The following CMIP variants were observed in gnomAD, a reference collection of about 807,000 sequenced individuals.
CMIP encodes c-Maf inducing protein, also known as C-Maf-inducing protein.
Under a neutral mutation model 97.3 loss-of-function variants are expected in CMIP, and 13 were observed. The ratio of observed to expected loss-of-function variants is 0.13; its 90% CI spans 0.09 to 0.21. The LOEUF (loss-of-function observed/expected upper bound fraction) is 0.21. Among genes scored for constraint, CMIP ranks in the 10% least tolerant of loss-of-function variants. The pLI is 1.00. For missense variants in CMIP, 847 were observed against 1,024.9 expected (o/e 0.83, Z 2.37); for synonymous variants, 538 against 436.3 (o/e 1.23, Z -2.91).
At chr16:81,671,902 C>A in intron 8 of CMIP, 64 bp from the exon 9 acceptor site, 3 of 838,580 alleles carry the variant, frequency 3.6e-6, no homozygotes, top group Admixed American at 2.1e-5. Context: ...CCCTTTCCCC[C>A]CTTACCCTGT....
At chr16:81,557,121 G>A (rs1475594046) in intron 1 of CMIP, among the ~76,000 whole-genome samples, 1 of 152,246 alleles carries the variant, frequency 6.6e-6, no homozygotes, top group African/African-American at 2.4e-5. Flanking sequence ...AGCTGGGTGA[G>A]AGGGCTACCA....
At chr16:81,661,386 C>T (rs1451010915) in intron 6 of CMIP, among the ~76,000 whole-genome samples, 2 of 152,282 alleles carry the variant, frequency 1.3e-5, no homozygotes, top group Non-Finnish European at 2.9e-5. Context: ...CGCTGCCGGG[C>T]ACCCGGCGCC....
intron 1 of CMIP, among the ~76,000 whole-genome samples, chr16:81,526,499 T>C (rs573600606): frequency 3.9e-4 from 59 of 152,354 alleles, no homozygotes; most frequent in Non-Finnish European, 7.3e-4. Context: ...ACAGTAGTTA[T>C]CAGGCCCACA....
chr16:81,709,729 C>G lies in CMIP; in HGVS notation c.2269-17C>G, dbSNP rs1417739996. Reference sequence around the variant, plus strand: ...GAATGGCCTACACGTGACAAGGACTCTTATTGCCACCCCCAGGCCAAGCTT... The same window carrying G: ...GAATGGCCTACACGTGACAAGGACTGTTATTGCCACCCCCAGGCCAAGCTT... On this transcript the variant is annotated splice_polypyrimidine_tract_variant and intron_variant, in intron 20 of 20. Transcript: ENST00000537098. 6.2e-7 allele frequency: 1 copy of G among 1,613,786 alleles called. No individual in the cohort carries two copies. Among genetic ancestry groups the G allele is most frequent in the East Asian group, 2.2e-5 (1 of 44,882 alleles).
rs758040541 is a variant in CMIP at position 81,560,223 on chromosome 16, GTTTTTTTTT to G, written c.301-47339_301-47331del. On this transcript the variant is annotated intron_variant, in intron 1 of 20. Transcript: ENST00000537098. The stretch of plus-strand genomic sequence containing the variant: ...TTTTGTTTTGTTTTTGTTTTGTTTT[GTTTTTTTTT>G]TTTTGAGACAGAGTCTCGCTCCGTC... Among the ~76,000 whole-genome samples the G allele has an allele frequency of 5.3e-3, 577 of 108,494 alleles. 4 individuals are homozygous for G. The highest frequency in any genetic ancestry group is 0.045 in the South Asian group (143 of 3,174). 71.2% of individuals were successfully genotyped at this position (108,494 alleles called of 152,430 possible).
chr16:81,510,406 T>C (rs1375207065), intron 1 of CMIP, among the ~76,000 whole-genome samples: 3 of 152,248 alleles, frequency 2.0e-5, no homozygotes, highest in South Asian at 4.1e-4. Flanking sequence ...AACATTATTA[T>C]GTGCTCTCAG....
chr16:81,584,310 T>C (rs2091344901), intron 1 of CMIP, among the ~76,000 whole-genome samples: 1 of 152,228 alleles, frequency 6.6e-6, no homozygotes, highest in Non-Finnish European at 1.5e-5. Flanking sequence ...ACCTAGAACA[T>C]GCTGGAAGTA....
intron 3 of CMIP, among the ~76,000 whole-genome samples, chr16:81,648,022 C>T (rs1359773560): frequency 7.3e-6 from 1 of 136,208 alleles, no homozygotes; most frequent in African/African-American, 2.8e-5. Context: ...CCCGCACCCG[C>T]AGAGCCGTAG....
At position 81,711,026 on chromosome 16, in the gene CMIP, C is replaced by T. The variant is rs1292948756; in HGVS notation, c.*1227C>T. 1.4e-5 allele frequency: 2 copies of T among 147,616 alleles called. No individual in the cohort carries two copies. Among genetic ancestry groups the T allele is most frequent in the Non-Finnish European group, 3.0e-5 (2 of 66,678 alleles). 9.1% of individuals were successfully genotyped at this position (147,616 alleles called of 1,614,324 possible). A position where few individuals can be genotyped will look rare whatever the true frequency, so the allele number is the denominator to read the frequency against. On this transcript the variant is annotated 3_prime_UTR_variant, in exon 21 of 21. Coordinates refer to ENST00000537098, the MANE Select transcript of CMIP (RefSeq NM_198390.3). ...CCGACTGCCCTCCCCACCCCACCCC[C>T]GCCACCCCCCACATGTGACCACTGC...
Position 81,701,798 on chromosome 16 carries a change from C to T in CMIP, c.1894C>T (p.Leu632=), listed in dbSNP as rs746577624. 6.2e-7 allele frequency: 1 copy of T among 1,613,334 alleles called. No individual in the cohort carries two copies. The highest frequency in any genetic ancestry group is 1.3e-5 in the African/African-American group (1 of 74,928). Residue 632 remains leucine (L), a splice_region_variant and synonymous_variant, in exon 16 of 21, where the codon CTG becomes TTG. Transcript: ENST00000537098. ...LCDRQRELKE[L]QRKGGPTRLT... The stretch of plus-strand genomic sequence containing the variant: ...TGACCGGCAGCGGGAGCTGAAGGAG[C>T]TGGTGAGTCCCCGGCTGCTCCGGAC...
At chr16:81,557,582 G>C (rs2090790154) in intron 1 of CMIP, among the ~76,000 whole-genome samples, 1 of 152,144 alleles carries the variant, frequency 6.6e-6, no homozygotes, top group African/African-American at 2.4e-5. Context: ...GGGAGGACTA[G>C]GCAGCACAGT....
chr16:81,705,219 G>A (rs964643629), intron 18 of CMIP, among the ~76,000 whole-genome samples: 5 of 152,242 alleles, frequency 3.3e-5, no homozygotes, highest in African/African-American at 1.2e-4. Context: ...CGAAGCTAGG[G>A]AGAGACAAGT....
chr16:81,704,637 C>G (rs1401890018), intron 18 of CMIP, among the ~76,000 whole-genome samples: 2 of 34,610 alleles, frequency 5.8e-5, no homozygotes, highest in East Asian at 1.2e-3. Context: ...TCCCTGTCCC[C>G]TCACCCTCCT....
At chr16:81,693,331 TGCCCA>T (rs1215950220) in intron 12 of CMIP, 103 bp from the exon 13 acceptor site, 1 of 1,481,082 alleles carries the variant, frequency 6.8e-7, no homozygotes, top group East Asian at 2.4e-5. Context: ...TCCACCGCCT[TGCCCA>T]GCTCCCTGGC....
intron 1 of CMIP, among the ~76,000 whole-genome samples, chr16:81,589,167 G>A (rs2091428793): frequency 6.6e-6 from 1 of 151,938 alleles, no homozygotes; most frequent in African/African-American, 2.4e-5. Flanking sequence ...CGTGATCTCG[G>A]CTCACTGCAA....
At chr16:81,590,360 A>T (rs2091448322) in intron 1 of CMIP, among the ~76,000 whole-genome samples, 1 of 152,112 alleles carries the variant, frequency 6.6e-6, no homozygotes, top group South Asian at 2.1e-4. Flanking sequence ...AGGGTGTCCA[A>T]AGGAGGCTTC....
intron 6 of CMIP, among the ~76,000 whole-genome samples, chr16:81,662,575 G>A (rs1161126058): frequency 2.0e-5 from 3 of 152,154 alleles, no homozygotes; most frequent in East Asian, 1.9e-4. Context: ...AAAGCCTCCC[G>A]CGCTGCGTCC....
At chr16:81,574,409 G>T (rs2091153261) in intron 1 of CMIP, among the ~76,000 whole-genome samples, 1 of 152,264 alleles carries the variant, frequency 6.6e-6, no homozygotes, top group South Asian at 2.1e-4. Flanking sequence ...GGCTTGGCAA[G>T]TGGCACTGTT....
chr16:81,561,823 C>T lies in CMIP; in HGVS notation c.301-45744C>T, dbSNP rs1350944164. Among the ~76,000 whole-genome samples the T allele has an allele frequency of 3.9e-5, 6 of 152,206 alleles. No individual in the cohort carries two copies. The East Asian group carries it at 9.6e-4, about 24-fold the overall frequency. Reference sequence around the variant, plus strand: ...AGTTGAAAATTCAGTTCCTCAGTTTCAGTAGGTACATTTCAGATGCTCAGT... The same window carrying T: ...AGTTGAAAATTCAGTTCCTCAGTTTTAGTAGGTACATTTCAGATGCTCAGT... On this transcript the variant is annotated intron_variant, in intron 1 of 20. Transcript: ENST00000537098.
Sources: gnomAD v4.1 joint callset for allele counts (sites outside exome capture counted in the v4.1 genomes callset) on GRCh38, gnomAD v4.1.1 for gene constraint, MANE v1.5 for transcripts, NCBI Gene and HGNC (gene_info 2026-07-23, HGNC 2026-07-21) for gene names.